Variants in UTP20 observed in about 807,000 individuals in gnomAD.
UTP20 encodes the protein UTP20 small subunit processome component, also known as small subunit processome component 20 homolog.
In UTP20, 164 loss-of-function variants were observed where a neutral mutation model predicts 329.5. The ratio of observed to expected loss-of-function variants is 0.50; its 90% CI spans 0.44 to 0.57. UTP20 has a LOEUF of 0.57. UTP20 is among the 20% of genes least tolerant of loss of function. The pLI, the probability that UTP20 is intolerant of heterozygous loss-of-function variation, is 0.00. For missense variants in UTP20, 3,055 were observed against 3,284.2 expected (o/e 0.93, Z 1.71); for synonymous variants, 1,151 against 1,159.3 (o/e 0.99, Z 0.14).
intron 14 of UTP20, among the ~76,000 whole-genome samples, chr12:101,302,065 G>A (rs897990949): frequency 3.3e-5 from 5 of 152,016 alleles, no homozygotes; most frequent in African/African-American, 9.7e-5. Context: ...TGAGTAGTTG[G>A]GACTACAGGT....
chr12:101,333,300 G>C lies in UTP20; in HGVS notation c.3418-1G>C. 1 of 1,612,080 alleles carries C rather than the reference G, an allele frequency of 6.2e-7. No individual in the cohort carries two copies. Among genetic ancestry groups the C allele is most frequent in the Non-Finnish European group, 8.5e-7 (1 of 1,179,308 alleles). ...TTGAACAGAAGATCTTTGTTTTACA[G>C]ATACAGCTGAGATTTATTAATCCAT... On this transcript the variant is annotated splice_acceptor_variant, in intron 27 of 61. Coordinates refer to ENST00000261637, the MANE Select transcript of UTP20 (RefSeq NM_014503.3). LOFTEE classifies it high-confidence loss of function.
chr12:101,334,649 G>C, intron 29 of UTP20, 145 bp downstream of exon 29: 1 of 649,354 alleles, frequency 1.5e-6, no homozygotes, highest in Non-Finnish European at 2.5e-6. Flanking sequence ...AGGCAGCTGA[G>C]TAAAAGCAAG....
At chr12:101,347,113 GAC>G (rs1869350276) in intron 38 of UTP20, among the ~76,000 whole-genome samples, 2 of 152,154 alleles carry the variant, frequency 1.3e-5, no homozygotes, top group South Asian at 4.1e-4. Flanking sequence ...CTTTCTCAGA[GAC>G]ACCCAGAGTC....
At position 101,355,107 on chromosome 12, in the gene UTP20, C is replaced by A; in HGVS notation, c.5383C>A (p.Leu1795Ile). 1 of 1,613,200 alleles carries A rather than the reference C, an allele frequency of 6.2e-7. No homozygotes were observed. The highest frequency in any genetic ancestry group is 8.5e-7 in the Non-Finnish European group (1 of 1,179,568). Residue 1795 changes from leucine (L) to isoleucine (I), a missense_variant, in exon 41 of 62, where the codon CTT becomes ATT. This residue lies in a region of UTP20 where 2,445 missense variants were observed against 2,575.5 expected (regional missense o/e 0.95). Coordinates refer to ENST00000261637, the MANE Select transcript of UTP20 (RefSeq NM_014503.3). ...TATTCTCCCCAGGCTACATAAATGC[C>A]TTGCATCTACGGTAATAAATTTATT... ...GDILPRLHKCLASTTKREEEH... is the reference protein window; with the variant it reads ...GDILPRLHKCIASTTKREEEH...
At chr12:101,345,493 C>T (rs1029960416) in intron 36 of UTP20, 61 bp from the exon 37 acceptor site, 24 of 1,067,920 alleles carry the variant, frequency 2.2e-5, no homozygotes, top group South Asian at 1.8e-4. Context: ...TTTCTGTTTC[C>T]TCATATTAGA....
intron 8 of UTP20, 125 bp downstream of exon 8, chr12:101,291,013 C>A: frequency 3.9e-6 from 4 of 1,026,596 alleles, no homozygotes; most frequent in Non-Finnish European, 5.3e-6. Context: ...TACTTCTGTA[C>A]ACATATTAAA....
rs1303425448 is a variant in UTP20, at chr12:101,383,040, GGTT to G, written c.7660_7662del (p.Val2554del). 6.3e-7 allele frequency: 1 copy of G among 1,579,256 alleles called. No homozygotes were observed. The highest frequency in any genetic ancestry group is 8.6e-7 in the Non-Finnish European group (1 of 1,166,992). On this transcript the variant is annotated inframe_deletion and splice_region_variant, in exon 59 of 62. Coordinates refer to ENST00000261637, the MANE Select transcript of UTP20 (RefSeq NM_014503.3). The stretch of plus-strand genomic sequence containing the variant: ...TTCCCCCACCCCGTTTTTTTTTAAA[GGTT>G]GTTAAGAATTTGTTGTTCGCAGCCA...
At chr12:101,286,821 C>T (rs962123490) in intron 5 of UTP20, among the ~76,000 whole-genome samples, 5 of 152,046 alleles carry the variant, frequency 3.3e-5, no homozygotes, top group African/African-American at 1.2e-4. Context: ...TTTTTAACCA[C>T]CTATGTCACA....
At chr12:101,287,152 A>G (rs1407549175) in intron 5 of UTP20, among the ~76,000 whole-genome samples, 1 of 152,208 alleles carries the variant, frequency 6.6e-6, no homozygotes, top group Admixed American at 6.6e-5. Context: ...GTTTAATATC[A>G]GTCATCAGCC....
intron 44 of UTP20, 41 bp downstream of exon 44, chr12:101,362,101 G>C: frequency 7.0e-7 from 1 of 1,427,122 alleles, no homozygotes; most frequent in Non-Finnish European, 9.8e-7. Flanking sequence ...TTTTTAAGTG[G>C]GCCAACGACA....
intron 58 of UTP20, 40 bp from the exon 59 acceptor site, chr12:101,383,001 C>G: frequency 1.3e-6 from 2 of 1,556,598 alleles, no homozygotes; most frequent in Non-Finnish European, 1.7e-6. Context: ...ATTTCAAAAT[C>G]AATGTCCAAT....
intron 50 of UTP20, among the ~76,000 whole-genome samples, chr12:101,370,797 GTTTTTA>G (rs1368521994): frequency 1.3e-5 from 2 of 152,098 alleles, no homozygotes; most frequent in African/African-American, 4.8e-5. Flanking sequence ...CAGGTATTCT[GTTTTTA>G]TTTATATGTT....
intron 30 of UTP20, 46 bp downstream of exon 30, chr12:101,338,323 C>T (rs1185316836): frequency 6.3e-7 from 1 of 1,582,042 alleles, no homozygotes; most frequent in African/African-American, 1.3e-5. Context: ...TCTGCTGTAG[C>T]AATTGTTTCC....
At chr12:101,280,467 C>T (rs183549565) in intron 1 of UTP20, 140 bp downstream of exon 1, 1 of 1,044,504 alleles carries the variant, frequency 9.6e-7, no homozygotes, top group Admixed American at 2.4e-5. Flanking sequence ...AAGAGGGAGA[C>T]ACTGGATGTA....
At chr12:101,284,811 A>G (rs1871908021) in intron 2 of UTP20, among the ~76,000 whole-genome samples, 1 of 152,194 alleles carries the variant, frequency 6.6e-6, no homozygotes, top group Non-Finnish European at 1.5e-5. Context: ...AGTTCAGTAT[A>G]GTTGTATTCT....
At chr12:101,379,319 C>A in intron 56 of UTP20, 52 bp from the exon 57 acceptor site, 2 of 1,475,424 alleles carry the variant, frequency 1.4e-6, no homozygotes, top group African/African-American at 1.4e-5. Flanking sequence ...TCATATTTAC[C>A]TCTAATCAGG....
At chr12:101,359,279 T>C (rs1244377767) in intron 43 of UTP20, among the ~76,000 whole-genome samples, 1 of 152,172 alleles carries the variant, frequency 6.6e-6, no homozygotes, top group Non-Finnish European at 1.5e-5. Context: ...TTATCCAGGC[T>C]GGTCTCAAAT....
Position 101,311,731 on chromosome 12 carries a change from C to T in UTP20, c.2244C>T (p.His748=), listed in dbSNP as rs146929877. The change falls in exon 20 of 62, where the codon CAC becomes CAT. Residue 748 remains histidine, a synonymous_variant. Transcript: ENST00000261637. ...PVIELISSHA[H]EMENKQFWKV... is the part of the protein sequence containing the mutation. ...TTTTTTCCCTTAGTTCTCATGCACA[C>T]GAAATGGAAAATAAGCAATTTTGGA... 71 of 1,609,794 alleles carry T rather than the reference C, an allele frequency of 4.4e-5. No homozygotes were observed. Among genetic ancestry groups the T allele is most frequent in the South Asian group, 6.6e-5 (6 of 90,338 alleles).
rs1302460142 is a variant in UTP20, at chr12:101,383,230, CCGGCCACGCTGCTGTGGTTGATCCA to C, written c.7847_7871del (p.Pro2616ArgfsTer19). The C allele has an allele frequency of 6.2e-7, 1 of 1,614,054 alleles. No individual in the cohort carries two copies. The highest frequency in any genetic ancestry group is 2.2e-5 in the East Asian group (1 of 44,896). On this transcript the variant is annotated frameshift_variant, in exon 59 of 62. Transcript: ENST00000261637. LOFTEE classifies it high-confidence loss of function. ...AGAGGTGAAGGAAGAGCTCGGCAGG[CCGGCCACGCTGCTGTGGTTGATCCA>C]GAAGCTGTCCCGGATTGCAAAACTG...
Sources: gnomAD v4.1 joint callset for allele counts (sites outside exome capture counted in the v4.1 genomes callset) on GRCh38, gnomAD v4.1.1 for gene constraint, gnomAD v4.1.1 regional missense constraint, MANE v1.5 for transcripts, NCBI Gene and HGNC (gene_info 2026-07-23, HGNC 2026-07-21) for gene names.